TRIQK: variants seen among roughly 807,000 people sequenced by gnomAD.
TRIQK encodes the protein triple QxxK/R motif-containing protein.
In TRIQK, 10 loss-of-function variants were observed where a neutral mutation model predicts 10.8. The observed-to-expected ratio is 0.92, with a 90% CI of 0.57 to 1.57. TRIQK has a LOEUF of 1.57. TRIQK is among the 40% of genes most tolerant of loss of function. TRIQK has a pLI of 0.00. For missense variants in TRIQK, 107 were observed against 97.7 expected, an observed-to-expected ratio of 1.09 and a Z score of -0.40; for synonymous variants, 33 against 33.7, an observed-to-expected ratio of 0.98 and a Z score of 0.07.
chr8:92,933,253 A>G (rs1159647016), intron 2 of TRIQK, among the ~76,000 whole-genome samples: 1 of 152,124 alleles, frequency 6.6e-6, no homozygotes, highest in African/African-American at 2.4e-5. Flanking sequence ...CATTATTATC[A>G]ATGAAAGTTT....
At chr8:93,012,489 A>T (rs1813345205) in intron 1 of TRIQK, among the ~76,000 whole-genome samples, 1 of 152,192 alleles carries the variant, frequency 6.6e-6, no homozygotes, top group African/African-American at 2.4e-5. Context: ...ATATGGTGTC[A>T]AATTTGGTCA....
intron 1 of TRIQK, among the ~76,000 whole-genome samples, chr8:92,964,450 GTATATATATATATCTATA>G (rs1271586840): frequency 1.2e-4 from 15 of 127,358 alleles, no homozygotes; most frequent in South Asian, 2.8e-4. Flanking sequence ...ATCTTTTCAG[GTATATATATATATCTATA>G]TATATATATA....
chr8:92,907,655 A>G (rs1809346376), intron 3 of TRIQK, among the ~76,000 whole-genome samples: 2 of 152,182 alleles, frequency 1.3e-5, no homozygotes, highest in Admixed American at 1.3e-4. Flanking sequence ...CAATACAGAC[A>G]ATCTGTAGTG....
At chr8:92,973,442 G>C (rs910043030) in intron 1 of TRIQK, 4 of 152,160 alleles carry the variant, frequency 2.6e-5, no homozygotes, top group Non-Finnish European at 5.9e-5. Context: ...GAGAGACTTT[G>C]GAAGAAAGCA....
intron 4 of TRIQK, among the ~76,000 whole-genome samples, chr8:92,890,672 CTCA>C (rs1816717014): frequency 6.6e-6 from 1 of 151,820 alleles, no homozygotes; most frequent in African/African-American, 2.4e-5. Context: ...TATTTAACTT[CTCA>C]TCATATTGTG....
In TRIQK at chr8:92,886,639, C is replaced by T; in HGVS notation, c.244G>A (p.Asp82Asn). The T allele has an allele frequency of 6.6e-7, 1 of 1,524,376 alleles. No individual in the cohort carries two copies. Among genetic ancestry groups the T allele is most frequent in the Non-Finnish European group, 8.8e-7 (1 of 1,139,196 alleles). 94.4% of individuals were successfully genotyped at this position (1,524,376 alleles called of 1,614,324 possible). A position where few individuals can be genotyped will look rare whatever the true frequency, so the allele number is the denominator to read the frequency against. ...TTGCTTAGCTAATCTTCATCTTGGT[C>T]CAGATCAGGGTCAACATCCGTGGTG... ...RLTTDVDPDL[D>N]QDED Residue 82 changes from aspartate (D) to asparagine (N), a missense_variant, in exon 5 of 5, where the codon GAC becomes AAC. Transcript: ENST00000521988.
chr8:92,914,168 G>C (rs1336760706), intron 3 of TRIQK, among the ~76,000 whole-genome samples: 7 of 151,990 alleles, frequency 4.6e-5, no homozygotes, highest in African/African-American at 1.5e-4. Flanking sequence ...CAATAAATTA[G>C]GTATAGAATG....
chr8:92,948,657 T>A (rs556873684), intron 2 of TRIQK, among the ~76,000 whole-genome samples: 5 of 152,238 alleles, frequency 3.3e-5, no homozygotes, highest in Non-Finnish European at 5.9e-5. Context: ...CAGGGATCTT[T>A]GTTTTGTACA....
intron 4 of TRIQK, among the ~76,000 whole-genome samples, chr8:92,889,804 T>C (rs1372064400): frequency 1.3e-5 from 2 of 151,730 alleles, no homozygotes; most frequent in African/African-American, 4.8e-5. Context: ...AGATGGATCA[T>C]GGCAAAAGGA....
At chr8:93,014,386 C>T (rs568859018) in intron 1 of TRIQK, among the ~76,000 whole-genome samples, 1 of 152,054 alleles carries the variant, frequency 6.6e-6, no homozygotes, top group African/African-American at 2.4e-5. Context: ...TCATTCTGGC[C>T]ATTTTGCTAT....
chr8:92,935,058 C>G (rs1458159178), intron 2 of TRIQK, among the ~76,000 whole-genome samples: 1 of 151,712 alleles, frequency 6.6e-6, no homozygotes, highest in East Asian at 1.9e-4. Flanking sequence ...TTTGTGCCAG[C>G]TTTTTATCTT....
chr8:92,939,444 T>C (rs989328621), intron 2 of TRIQK, among the ~76,000 whole-genome samples: 7 of 152,044 alleles, frequency 4.6e-5, no homozygotes, highest in Non-Finnish European at 1.0e-4. Flanking sequence ...AATGACTCCA[T>C]AAGGCAGGAA....
intron 2 of TRIQK, among the ~76,000 whole-genome samples, chr8:92,929,318 C>T (rs577806765): frequency 4.7e-4 from 71 of 152,074 alleles, no homozygotes; most frequent in African/African-American, 1.6e-3. Flanking sequence ...GGGTGGCTGA[C>T]GAGGGTGGAG....
At chr8:92,938,932 T>C (rs567645108) in intron 2 of TRIQK, among the ~76,000 whole-genome samples, 1 of 152,350 alleles carries the variant, frequency 6.6e-6, no homozygotes, top group East Asian at 1.9e-4. Context: ...ATTACATTTT[T>C]TGCTGGTAGT....
chr8:92,990,575 T>C lies in TRIQK; in HGVS notation c.-181+27034A>G, dbSNP rs541631427. 6.6e-5 allele frequency among the ~76,000 whole-genome samples: 10 copies of C among 152,114 alleles called. No homozygotes were observed. The South Asian group carries it at 1.5e-3, about 22-fold the overall frequency. ...ACCCGGCTCATCTCATTGGAACTGG[T>C]TAGACAGTGGGTGCAGCCCACAGAG... On this transcript the variant is annotated intron_variant, in intron 1 of 4. Transcript: ENST00000520686.
At chr8:92,886,957 A>C in intron 4 of TRIQK, 1 of 312,110 alleles carries the variant, frequency 3.2e-6, no homozygotes, top group South Asian at 7.9e-5. Flanking sequence ...AGTCATTAGT[A>C]TTATTATTTC....
At chr8:92,909,942 A>G (rs1281629713) in intron 3 of TRIQK, among the ~76,000 whole-genome samples, 2 of 151,600 alleles carry the variant, frequency 1.3e-5, no homozygotes, top group African/African-American at 4.8e-5. Flanking sequence ...AAAATTAAAC[A>G]ACGACATGTT....
At chr8:92,945,970 G>C (rs1014431600) in intron 2 of TRIQK, among the ~76,000 whole-genome samples, 38 of 151,408 alleles carry the variant, frequency 2.5e-4, no homozygotes, top group African/African-American at 8.5e-4. Context: ...TATGCTCTGG[G>C]CAGAAAAAAA....
chr8:92,887,828 T>C (rs888798361), intron 4 of TRIQK, among the ~76,000 whole-genome samples: 1 of 151,740 alleles, frequency 6.6e-6, no homozygotes, highest in Non-Finnish European at 1.5e-5. Context: ...ATAGATCTTT[T>C]ATACAGATTT....
Sources: allele counts gnomAD v4.1 joint callset (sites outside exome capture counted in the v4.1 genomes callset), GRCh38; gene constraint gnomAD v4.1.1; transcripts MANE v1.5; gene names NCBI Gene and HGNC (gene_info 2026-07-23, HGNC 2026-07-21).